The following EBF4 variants were observed in gnomAD, a reference collection of about 807,000 sequenced individuals.
The protein encoded by EBF4 is EBF transcription factor 4.
EBF4 carries 34 observed loss-of-function variants against 67.1 expected under a neutral mutation model. That is an observed-to-expected ratio of 0.51 (90% CI 0.39 to 0.67). The LOEUF is 0.67. Ranked by LOEUF, EBF4 falls within the 30% of genes least tolerant of loss-of-function variation. The probability of loss-of-function intolerance (pLI) is 0.00; values close to 1 mark genes in which losing one functional copy is unlikely to be tolerated. For synonymous variants in EBF4, 387 were observed against 377.7 expected (o/e 1.02, Z -0.29); for missense variants, 837 against 873.3 (o/e 0.96, Z 0.52).
At chr20:2,712,935 G>T (rs1419821576) in intron 6 of EBF4, among the ~76,000 whole-genome samples, 1 of 152,180 alleles carries the variant, frequency 6.6e-6, no homozygotes, top group Non-Finnish European at 1.5e-5. Context: ...GAGGATATTG[G>T]TGACTGTCAC....
chr20:2,755,604 C>T lies in EBF4; in HGVS notation c.1541-23C>T. 1 of 1,034,886 alleles carries T rather than the reference C, an allele frequency of 9.7e-7. No individual in the cohort carries two copies. Among genetic ancestry groups the T allele is most frequent in the Non-Finnish European group, 1.5e-6 (1 of 684,668 alleles). 64.1% of individuals were successfully genotyped at this position (1,034,886 alleles called of 1,614,324 possible). On this transcript the variant is annotated intron_variant, in intron 14 of 16. Coordinates refer to ENST00000609451, the Ensembl canonical transcript of EBF4. The surrounding 1 kb of genome is among the most constrained non-coding windows in gnomAD (Gnocchi z 4.7). ...CCCACCACCTTCCCTGCTGCGCCTGCCCCTCCCCGCCCCGCCCCGGAGTCA... is the reference window on the plus strand; with the variant it reads ...CCCACCACCTTCCCTGCTGCGCCTGTCCCTCCCCGCCCCGCCCCGGAGTCA...
chr20:2,704,158 A>G (rs1485359279), intron 1 of EBF4, among the ~76,000 whole-genome samples: 3 of 151,998 alleles, frequency 2.0e-5, no homozygotes, highest in Non-Finnish European at 4.4e-5. Context: ...ATCCCAACAC[A>G]ATACAAGAGG....
chr20:2,701,345 C>A lies in EBF4; in HGVS notation c.138-4232C>A, dbSNP rs113151487. ...CTGGCAGGAGACACTGGCCCAGAGACCCCAGGGGAACCTGCTGTCTTCCCC... is the reference window on the plus strand; with the variant it reads ...CTGGCAGGAGACACTGGCCCAGAGAACCCAGGGGAACCTGCTGTCTTCCCC... On this transcript the variant is annotated intron_variant, in intron 1 of 16. Transcript: ENST00000609451. Among the ~76,000 whole-genome samples the A allele has an allele frequency of 4.0e-3, 612 of 152,316 alleles. 5 individuals carry two copies. Among genetic ancestry groups the A allele is most frequent in the South Asian group, 0.019 (92 of 4,830 alleles).
chr20:2,755,690 C>T lies in EBF4; in HGVS notation c.1604C>T (p.Thr535Ile), dbSNP rs1461409995. Residue 535 changes from threonine to isoleucine, a missense_variant, in exon 15 of 17, where the codon ACC becomes ATC. This residue lies in a region of EBF4 where 525 missense variants were observed against 496.5 expected (regional missense o/e 1.06). Coordinates refer to ENST00000609451, the Ensembl canonical transcript of EBF4. This position sits in a 1 kb window ranked among gnomAD's most constrained non-coding sequence, Gnocchi z 4.7. ...ATGTCCCTCCCGGCCGCTGCCCCCACCACCAGCGTGTTCTCCTTCTCGCCT... is the reference window on the plus strand; with the variant it reads ...ATGTCCCTCCCGGCCGCTGCCCCCATCACCAGCGTGTTCTCCTTCTCGCCT... 1.9e-6 allele frequency: 3 copies of T among 1,550,596 alleles called. No homozygotes were observed. In the African/African-American group the frequency reaches 4.1e-5, roughly 21 times the overall value.
intron 6 of EBF4, among the ~76,000 whole-genome samples, chr20:2,715,852 G>A (rs938736102): frequency 6.6e-6 from 1 of 152,128 alleles, no homozygotes; most frequent in Non-Finnish European, 1.5e-5. Context: ...TGGTTCAAGT[G>A]ATTCCTGTGC....
At position 2,745,737 on chromosome 20, in the gene EBF4, G is replaced by A. The variant is rs1049810114; in HGVS notation, c.558-2812G>A. ...AGGACTAGAAGGTGTCACGGCAGCCGTCAATCGCTACTCTCCCTTCATGGG... is the reference window on the plus strand; with the variant it reads ...AGGACTAGAAGGTGTCACGGCAGCCATCAATCGCTACTCTCCCTTCATGGG... On this transcript the variant is annotated intron_variant, in intron 6 of 16. Transcript: ENST00000609451. This position sits in a 1 kb window ranked among gnomAD's most constrained non-coding sequence, Gnocchi z 5.2. Among the ~76,000 whole-genome samples the A allele has an allele frequency of 7.9e-5, 12 of 152,168 alleles. No individual in the cohort carries two copies. Among genetic ancestry groups the A allele is most frequent in the South Asian group, 2.1e-4 (1 of 4,828 alleles).
chr20:2,693,673 C>T lies in EBF4; in HGVS notation c.28C>T (p.Arg10Cys), dbSNP rs1257159425. ...GTTCCCTGCGCAGGACGCTCTGCCC[C>T]GCAGCGGGCTGAACCTGAAGGAGGA... The change falls in exon 1 of 17, where the codon CGC (arginine) becomes TGC (cysteine). Residue 10 changes from arginine (R) to cysteine (C), a missense_variant. Arg to Cys is a radical substitution (Grantham distance 180). Transcript: ENST00000609451. The surrounding 1 kb of genome is among the most constrained non-coding windows in gnomAD (Gnocchi z 4.6). 6.2e-6 allele frequency: 9 copies of T among 1,444,792 alleles called. No individual in the cohort carries two copies. In the East Asian group the frequency reaches 2.1e-4, roughly 34 times the overall value. 89.5% of individuals were successfully genotyped at this position (1,444,792 alleles called of 1,614,324 possible).
intron 6 of EBF4, among the ~76,000 whole-genome samples, chr20:2,736,859 ATGAGGAGACCTC>A (rs2146461297): frequency 6.6e-6 from 1 of 152,220 alleles, no homozygotes; most frequent in African/African-American, 2.4e-5. Flanking sequence ...GGAAGGACTT[ATGAGGAGACCTC>A]TGGGCAGCCG....
Position 2,751,027 on chromosome 20 carries a change from A to G in EBF4, c.1019-673A>G, listed in dbSNP as rs2088136622. Among the ~76,000 whole-genome samples the G allele has an allele frequency of 2.6e-5, 4 of 152,088 alleles. No individual in the cohort carries two copies. The South Asian group carries it at 8.3e-4, about 32-fold the overall frequency. On this transcript the variant is annotated intron_variant, in intron 10 of 16. Transcript: ENST00000609451. This position sits in a 1 kb window ranked among gnomAD's most constrained non-coding sequence, Gnocchi z 5.2. ...GAAAAGGGCGGTGCGGGGATCAGGAAAAGGGGAAGGAGGAGGAGAAGGGCG... is the reference window on the plus strand; with the variant it reads ...GAAAAGGGCGGTGCGGGGATCAGGAGAAGGGGAAGGAGGAGGAGAAGGGCG...
rs896511551 is a variant in EBF4 at position 2,693,911 on chromosome 20, C to G, written c.137+129C>G. ...CTCTGGACGGTCCCGGCGAGCTCCC[C>G]GGCCCACCCCGTCCGGAGTGCCTGT... is the stretch of plus-strand genomic sequence containing the variant. On this transcript the variant is annotated intron_variant, in intron 1 of 16. Transcript: ENST00000609451. The surrounding 1 kb of genome is among the most constrained non-coding windows in gnomAD (Gnocchi z 4.6). 2 of 1,176,396 alleles carry G rather than the reference C, an allele frequency of 1.7e-6. No individual in the cohort carries two copies. Among genetic ancestry groups the G allele is most frequent in the South Asian group, 8.1e-5 (2 of 24,574 alleles). The allele number at this position is 1,176,396 out of a possible 1,614,324, so 72.9% of individuals were successfully genotyped here. A position where few individuals can be genotyped will look rare whatever the true frequency, so the allele number is the denominator to read the frequency against.
intron 6 of EBF4, among the ~76,000 whole-genome samples, chr20:2,748,136 A>G (rs892382133): frequency 7.9e-5 from 12 of 152,266 alleles, no homozygotes; most frequent in Admixed American, 4.6e-4. Flanking sequence ...TACATGGGGT[A>G]TGTGTGCGTA....
rs910961545 is a variant in EBF4, at chr20:2,693,705, G to A, written c.60G>A (p.Leu20=). 4.6e-5 allele frequency: 65 copies of A among 1,423,194 alleles called. No homozygotes were observed. The highest frequency in any genetic ancestry group is 5.6e-5 in the Non-Finnish European group (61 of 1,094,208). 88.2% of individuals were successfully genotyped at this position (1,423,194 alleles called of 1,614,324 possible). A position where few individuals can be genotyped will look rare whatever the true frequency, so the allele number is the denominator to read the frequency against. The change falls in exon 1 of 17, where the codon CTG becomes CTA. Residue 20 remains leucine, a synonymous_variant. Coordinates refer to ENST00000609451, the Ensembl canonical transcript of EBF4. The surrounding 1 kb of genome is among the most constrained non-coding windows in gnomAD (Gnocchi z 4.6). ...GGCTGAACCTGAAGGAGGAGCCGCTGCTGCCCGCCGGCCTGGGCTCAGTGC... is the reference window on the plus strand; with the variant it reads ...GGCTGAACCTGAAGGAGGAGCCGCTACTGCCCGCCGGCCTGGGCTCAGTGC...
In EBF4 at chr20:2,755,490, A is replaced by G; in HGVS notation, c.1541-137A>G. ...CTGGCCCAGGACCCTCACAGCTCCCAGTGAGATCTGAGCCTGGTACCTGTG... is the reference window on the plus strand; with the variant it reads ...CTGGCCCAGGACCCTCACAGCTCCCGGTGAGATCTGAGCCTGGTACCTGTG... On this transcript the variant is annotated intron_variant, in intron 14 of 16. Coordinates refer to ENST00000609451, the Ensembl canonical transcript of EBF4. The surrounding 1 kb of genome is among the most constrained non-coding windows in gnomAD (Gnocchi z 4.7). 1.6e-6 allele frequency: 1 copy of G among 627,008 alleles called. No homozygotes were observed. Among genetic ancestry groups the G allele is most frequent in the Non-Finnish European group, 2.9e-6 (1 of 347,560 alleles). The allele number at this position is 627,008 out of a possible 1,614,324, so 38.8% of individuals were successfully genotyped here.
Position 2,755,613 on chromosome 20 carries a change from GCCCCGCCCCGGAGTCATGCCCTCTAGCC to G in EBF4, c.1541-7_1561del. On this transcript the variant is annotated splice_acceptor_variant and splice_polypyrimidine_tract_variant and coding_sequence_variant and intron_variant, in exon 15 of 17. Coordinates refer to ENST00000609451, the Ensembl canonical transcript of EBF4. LOFTEE classifies it high-confidence loss of function. This position sits in a 1 kb window ranked among gnomAD's most constrained non-coding sequence, Gnocchi z 4.7. ...TTCCCTGCTGCGCCTGCCCCTCCCC[GCCCCGCCCCGGAGTCATGCCCTCTAGCC>G]CCCCGCTGGCGGCTGCCTCCTCCAT... 1 of 463,132 alleles carries G rather than the reference GCCCCGCCCCGGAGTCATGCCCTCTAGCC, an allele frequency of 2.2e-6. No individual in the cohort carries two copies. Among genetic ancestry groups the G allele is most frequent in the Non-Finnish European group, 3.7e-6 (1 of 271,200 alleles). 28.7% of individuals were successfully genotyped at this position (463,132 alleles called of 1,614,324 possible).
intron 15 of EBF4, 87 bp from the exon 16 acceptor site, chr20:2,758,822 C>G: frequency 8.3e-7 from 1 of 1,201,344 alleles, no homozygotes; most frequent in Non-Finnish European, 1.2e-6. Flanking sequence ...ATATCCCCTG[C>G]CTGCTGTCTC....
intron 6 of EBF4, among the ~76,000 whole-genome samples, chr20:2,720,961 C>T (rs1188716153): frequency 6.6e-6 from 1 of 152,102 alleles, no homozygotes; most frequent in Non-Finnish European, 1.5e-5. Flanking sequence ...TATCTTTGTT[C>T]CTCTGCACAT....
chr20:2,726,916 A>G (rs777602903), intron 6 of EBF4, among the ~76,000 whole-genome samples: 2 of 152,116 alleles, frequency 1.3e-5, no homozygotes, highest in Non-Finnish European at 2.9e-5. Flanking sequence ...CTCTATATTT[A>G]TTAAGCAGCT....
chr20:2,692,842 G>T, upstream of EBF4: 1 of 146,396 alleles, frequency 6.8e-6, no homozygotes, highest in Non-Finnish European at 1.5e-5. The surrounding 1 kb of genome is among the most constrained non-coding windows in gnomAD (Gnocchi z 6.4). Context: ...GGATGGCCCG[G>T]GCCCGAGGCC....
At chr20:2,754,835 G>C (rs567985496) in intron 14 of EBF4, among the ~76,000 whole-genome samples, 2 of 152,252 alleles carry the variant, frequency 1.3e-5, no homozygotes, top group South Asian at 2.1e-4. Flanking sequence ...TGTGCAGGAG[G>C]CTCCCTTGCC....
Sources: gnomAD v4.1 joint callset for allele counts (sites outside exome capture counted in the v4.1 genomes callset) on GRCh38, gnomAD v4.1.1 for gene constraint, gnomAD v4.1.1 regional missense constraint, Gnocchi (gnomAD v3.1) non-coding constraint, MANE v1.5 for transcripts, NCBI Gene and HGNC (gene_info 2026-07-23, HGNC 2026-07-21) for gene names.